The following NTRK1 variants were observed in gnomAD, a reference collection of about 807,000 sequenced individuals.
NTRK1 encodes the protein neurotrophic receptor tyrosine kinase 1, also known as high affinity nerve growth factor receptor.
A neutral mutation model predicts 86.8 loss-of-function variants in NTRK1; 62 were observed. That is an observed-to-expected ratio of 0.71 (90% CI 0.58 to 0.88). The LOEUF (loss-of-function observed/expected upper bound fraction) is 0.88, where lower values mean the gene tolerates loss of function less well. Among genes scored for constraint, NTRK1 ranks in the 40% least tolerant of loss-of-function variants. The pLI, the probability that NTRK1 is intolerant of heterozygous loss-of-function variation, is 0.00. For synonymous variants in NTRK1, 469 were observed against 456.6 expected (o/e 1.03, Z -0.35); for missense variants, 967 against 1,078.4 (o/e 0.90, Z 1.45).
At chr1:156,863,079 T>TG (rs201968738) in intron 1 of NTRK1, among the ~76,000 whole-genome samples, 2,636 of 121,330 alleles carry the variant, frequency 0.022, 53 homozygotes, top group African/African-American at 0.055. Context: ...ATTGTTGGGG[T>TG]GGGGGGGGCA....
At chr1:156,881,364 G>A (rs1261073359) in intron 16 of NTRK1, 93 bp from the exon 17 acceptor site, 2 of 1,303,404 alleles carry the variant, frequency 1.5e-6, no homozygotes, top group Non-Finnish European at 2.1e-6. Context: ...AGTGTGAGCT[G>A]CCTTGGGAGC....
upstream of NTRK1, among the ~76,000 whole-genome samples, chr1:156,856,102 C>T (rs1223310603): frequency 2.0e-5 from 3 of 151,836 alleles, no homozygotes; most frequent in African/African-American, 2.4e-5. Context: ...AGCTATCATG[C>T]GTGGCCATAT....
intron 1 of NTRK1, among the ~76,000 whole-genome samples, chr1:156,832,330 G>C (rs1654486496): frequency 6.6e-6 from 1 of 152,176 alleles, no homozygotes; most frequent in Non-Finnish European, 1.5e-5. Flanking sequence ...AGACATGAGG[G>C]CAAGAAAGAT....
chr1:156,834,439 A>G (rs565040698), intron 1 of NTRK1, among the ~76,000 whole-genome samples: 6 of 152,304 alleles, frequency 3.9e-5, no homozygotes, highest in South Asian at 2.1e-4. Context: ...GGAAGATGCA[A>G]TTTAGAACTA....
chr1:156,816,531 G>A (rs922350726), intron 1 of NTRK1: 4 of 693,340 alleles, frequency 5.8e-6, no homozygotes, highest in African/African-American at 1.8e-5. Context: ...CAGGGTTGTG[G>A]TCACCCTGCC....
intron 7 of NTRK1, among the ~76,000 whole-genome samples, chr1:156,872,310 G>A (rs1332772347): frequency 2.0e-5 from 3 of 152,050 alleles, no homozygotes; most frequent in Non-Finnish European, 4.4e-5. Flanking sequence ...CTCCCTGTTC[G>A]CAATCCCATC....
At chr1:156,863,080 G>T (rs1052017463) in intron 1 of NTRK1, among the ~76,000 whole-genome samples, 3 of 145,540 alleles carry the variant, frequency 2.1e-5, no homozygotes, top group Admixed American at 6.7e-5. Context: ...TTGTTGGGGT[G>T]GGGGGGGCAC....
At chr1:156,856,369 G>A (rs202173423), upstream of NTRK1, among the ~76,000 whole-genome samples, 297 of 152,300 alleles carry the variant, frequency 2.0e-3, 2 homozygotes, top group African/African-American at 6.9e-3. Flanking sequence ...GTCTCTCCCA[G>A]TCTTAAGGGA....
intron 2 of NTRK1, among the ~76,000 whole-genome samples, chr1:156,847,186 C>T (rs1655043610): frequency 1.3e-5 from 2 of 152,220 alleles, no homozygotes; most frequent in Admixed American, 1.3e-4. Context: ...CTTGAATTGA[C>T]TTTGGAGGTT....
intron 15 of NTRK1, 27 bp downstream of exon 15, chr1:156,879,389 T>C: frequency 6.3e-7 from 1 of 1,582,710 alleles, no homozygotes. Context: ...CCCAACGCCT[T>C]CCCCTGCATC....
chr1:156,829,139 C>T (rs771945285), intron 1 of NTRK1, among the ~76,000 whole-genome samples: 29 of 152,010 alleles, frequency 1.9e-4, no homozygotes, highest in Non-Finnish European at 3.1e-4. Context: ...TTTCAGCTCA[C>T]GATAGGAGTG....
intron 12 of NTRK1, 51 bp from the exon 13 acceptor site, chr1:156,876,029 C>G (rs1320367395): frequency 6.2e-7 from 1 of 1,613,916 alleles, no homozygotes. Flanking sequence ...CCGCTACAAC[C>G]CCAGCCCTCC....
chr1:156,879,056 C>A (rs757703065), intron 14 of NTRK1, 66 bp from the exon 15 acceptor site: 189 of 1,590,394 alleles, frequency 1.2e-4, no homozygotes, highest in Admixed American at 2.9e-4. Context: ...TGCTGGGGAT[C>A]GCCTTCCTCA....
At chr1:156,841,252 G>C in intron 1 of NTRK1, 1 of 991,290 alleles carries the variant, frequency 1.0e-6, no homozygotes, top group Non-Finnish European at 1.6e-6. Flanking sequence ...AGTCTTGGGG[G>C]TTTGGGATAG....
intron 1 of NTRK1, among the ~76,000 whole-genome samples, chr1:156,828,324 G>T (rs7516856): frequency 0.81 from 123,201 of 152,204 alleles, 50,037 homozygotes; most frequent in East Asian, 0.88. Context: ...GGTGGTAACC[G>T]TGTCTTATTT....
intron 1 of NTRK1, among the ~76,000 whole-genome samples, chr1:156,827,649 A>T (rs1263877686): frequency 2.0e-5 from 3 of 152,140 alleles, no homozygotes; most frequent in African/African-American, 7.2e-5. Flanking sequence ...CTCCTGCTTC[A>T]GTCTTCCAAA....
At chr1:156,846,382 A>G in intron 2 of NTRK1, 1 of 787,122 alleles carries the variant, frequency 1.3e-6, no homozygotes, top group Non-Finnish European at 2.0e-6. Context: ...CCTTCTTTCT[A>G]GGACTCAAGC....
At position 156,834,575 on chromosome 1, in the gene NTRK1, G is replaced by T. The variant is rs191240585; in HGVS notation, c.-63-7506G>T. On this transcript the variant is annotated intron_variant, in intron 1 of 16. Coordinates refer to the NTRK1 transcript ENST00000392302. Reference sequence around the variant, plus strand: ...TGTGTGATCTTAGGCGAGTCATTTTGCTTCTCAGATCATTGATGCTGCCCT... The same window carrying T: ...TGTGTGATCTTAGGCGAGTCATTTTTCTTCTCAGATCATTGATGCTGCCCT... 3.3e-5 allele frequency among the ~76,000 whole-genome samples: 5 copies of T among 152,290 alleles called. No homozygotes were observed. The East Asian group carries it at 7.7e-4, about 23-fold the overall frequency.
At position 156,860,933 on chromosome 1, in the gene NTRK1, C is replaced by T. The variant is rs906562136; in HGVS notation, c.-2C>T. 4 of 1,461,754 alleles carry T rather than the reference C, an allele frequency of 2.7e-6. No homozygotes were observed. Among genetic ancestry groups the T allele is most frequent in the Non-Finnish European group, 3.6e-6 (4 of 1,117,708 alleles). The allele number at this position is 1,461,754 out of a possible 1,614,324, so 90.5% of individuals were successfully genotyped here. ...CGCCTGAGCGAGGCGGGCGCCGCCG[C>T]GATGCTGCGAGGCGGACGGCGCGGG... On this transcript the variant is annotated 5_prime_UTR_variant, in exon 1 of 17. Coordinates refer to ENST00000524377, the MANE Select transcript of NTRK1 (RefSeq NM_002529.4).
Sources: gnomAD v4.1 joint callset for allele counts (sites outside exome capture counted in the v4.1 genomes callset) on GRCh38, gnomAD v4.1.1 for gene constraint, MANE v1.5 for transcripts, NCBI Gene and HGNC (gene_info 2026-07-23, HGNC 2026-07-21) for gene names.